GAB4: variants seen among roughly 807,000 people sequenced by gnomAD.
GAB4 encodes GRB2-associated-binding protein 4.
GAB4 carries 26 observed loss-of-function variants against 51.3 expected under a neutral mutation model. That is an observed-to-expected ratio of 0.51 (90% CI 0.37 to 0.70). The LOEUF (loss-of-function observed/expected upper bound fraction) is 0.70, where lower values mean the gene tolerates loss of function less well. GAB4 is among the 30% of genes least tolerant of loss of function. The probability of loss-of-function intolerance (pLI) is 0.00; values close to 1 mark genes in which losing one functional copy is unlikely to be tolerated. For synonymous variants in GAB4, 329 were observed against 291.2 expected (o/e 1.13, Z -1.32); for missense variants, 759 against 734.6 (o/e 1.03, Z -0.38).
chr22:16,983,568 A>C (rs1398037150), intron 3 of GAB4, among the ~76,000 whole-genome samples: 2 of 152,220 alleles, frequency 1.3e-5, no homozygotes, highest in Admixed American at 6.5e-5. Flanking sequence ...ACAAAGCTAT[A>C]ACCAAAACAG....
intron 8 of GAB4, among the ~76,000 whole-genome samples, chr22:16,964,145 G>A (rs1357662747): frequency 1.3e-5 from 2 of 152,076 alleles, no homozygotes; most frequent in East Asian, 1.9e-4. Flanking sequence ...ACCACCTGAG[G>A]CTGCATGGAG....
At chr22:16,993,162 C>T (rs1271602993) in intron 1 of GAB4, among the ~76,000 whole-genome samples, 1 of 152,124 alleles carries the variant, frequency 6.6e-6, no homozygotes, top group African/African-American at 2.4e-5. Flanking sequence ...CTGAGTGATC[C>T]ATGAGCAGAC....
intron 2 of GAB4, among the ~76,000 whole-genome samples, chr22:16,989,369 C>T (rs2123700992): frequency 6.6e-6 from 1 of 152,378 alleles, no homozygotes; most frequent in Admixed American, 6.5e-5. Context: ...TGGCCTATTT[C>T]TGGCTGTGCC....
At chr22:16,964,739 G>C in intron 8 of GAB4, 27 bp downstream of exon 8, 1 of 1,509,662 alleles carries the variant, frequency 6.6e-7, no homozygotes, top group Non-Finnish European at 9.2e-7. Flanking sequence ...TCTGATAGGA[G>C]CCTTACAGTG....
In GAB4 at chr22:16,964,835, T is replaced by A; in HGVS notation, c.1407A>T (p.Gln469His). The A allele has an allele frequency of 6.2e-7, 1 of 1,613,876 alleles. No homozygotes were observed. The highest frequency in any genetic ancestry group is 2.2e-5 in the East Asian group (1 of 44,868). The change falls in exon 8 of 10, where the codon CAA becomes CAT. Residue 469 changes from glutamine (Q) to histidine (H), a missense_variant. Transcript: ENST00000400588. ...TGATGCTCTGCGTGGAGATGGGGTG[T>A]TGGGAGGAGCTGGAGTCAAAGGTGT... ...TSHTFDSSSS[Q>H]HPISTQSITN...
chr22:17,007,814 G>T, intron 1 of GAB4, 127 bp downstream of exon 1: 1 of 832,868 alleles, frequency 1.2e-6, no homozygotes. Flanking sequence ...GCCTTCGCAT[G>T]CAGACGTGGA....
chr22:16,966,247 C>T lies in GAB4; in HGVS notation c.1141G>A (p.Gly381Ser), dbSNP rs375901031. 3.7e-6 allele frequency: 6 copies of T among 1,613,876 alleles called. No individual in the cohort carries two copies. Among genetic ancestry groups the T allele is most frequent in the Admixed American group, 1.7e-5 (1 of 60,002 alleles). Residue 381 changes from glycine (G) to serine (S), a missense_variant, in exon 6 of 10, where the codon GGT becomes AGT. By Grantham distance (56) the Gly-to-Ser change is moderately conservative (BLOSUM62 0). Transcript: ENST00000400588. ...CATGAGCCCACAGGGATGCAGACAC[C>T]CTGGGAATCATCGCCTGCTTGCTTC... ...AVKQAGDDSQ[G>S]VCIPVGSCLV...
intron 3 of GAB4, among the ~76,000 whole-genome samples, chr22:16,974,110 C>T (rs1278914365): frequency 6.6e-6 from 1 of 152,204 alleles, no homozygotes; most frequent in African/African-American, 2.4e-5. Context: ...CAGTGTGCTC[C>T]CCTTGGGCAA....
intron 1 of GAB4, among the ~76,000 whole-genome samples, chr22:16,998,695 G>A (rs1234216835): frequency 6.6e-6 from 1 of 152,196 alleles, no homozygotes; most frequent in Non-Finnish European, 1.5e-5. Context: ...GAATAGGAGT[G>A]GTGAGAGAGG....
rs1017605180 is a variant in GAB4 at position 16,968,153 on chromosome 22, T to C, written c.1023+145A>G. On this transcript the variant is annotated intron_variant, in intron 5 of 9. Coordinates refer to ENST00000400588, the MANE Select transcript of GAB4 (RefSeq NM_001037814.1). The stretch of plus-strand genomic sequence containing the variant: ...ATCTCACTTATCCAAAAACTGAACC[T>C]ATGGTTCTGAACTGAGGCAAGAACC... 3.6e-5 allele frequency: 23 copies of C among 634,426 alleles called. No homozygotes were observed. The African/African-American group carries it at 3.7e-4, about 10-fold the overall frequency. The allele number at this position is 634,426 out of a possible 1,614,324, so 39.3% of individuals were successfully genotyped here.
chr22:17,005,597 A>AGGTCAGGT (rs1385074147), intron 1 of GAB4, among the ~76,000 whole-genome samples: 8 of 152,258 alleles, frequency 5.3e-5, no homozygotes, highest in African/African-American at 1.9e-4. Context: ...CCTGACTTCA[A>AGGTCAGGT]ACTGTACTAC....
chr22:17,000,477 T>C lies in GAB4; in HGVS notation c.174+7464A>G, dbSNP rs147123232. Among the ~76,000 whole-genome samples the C allele has an allele frequency of 7.6e-3, 1,163 of 152,290 alleles. 14 individuals are homozygous for C. The highest frequency in any genetic ancestry group is 0.027 in the African/African-American group (1,128 of 41,556). ...ATTGCAACCCCTGCTTTTTTTTTGT[T>C]TTCTATTTGCTTCGTAGATCTTCCT... On this transcript the variant is annotated intron_variant, in intron 1 of 9. Coordinates refer to ENST00000400588, the MANE Select transcript of GAB4 (RefSeq NM_001037814.1).
rs1328685538 is a variant in GAB4 at position 16,984,899 on chromosome 22, A to G, written c.686+3061T>C. ...TACCTAGAAAGATGGAGTTTCCAGG[A>G]AAGTTTTAACCACTGGCCCCACTGT... On this transcript the variant is annotated intron_variant, in intron 3 of 9. Coordinates refer to ENST00000400588, the MANE Select transcript of GAB4 (RefSeq NM_001037814.1). Among the ~76,000 whole-genome samples, 4 of 152,184 alleles carry G rather than the reference A, an allele frequency of 2.6e-5. No individual in the cohort carries two copies. In the South Asian group the frequency reaches 8.3e-4, roughly 32 times the overall value.
At chr22:16,997,029 T>C (rs929031061) in intron 1 of GAB4, among the ~76,000 whole-genome samples, 5 of 152,166 alleles carry the variant, frequency 3.3e-5, no homozygotes, top group African/African-American at 1.2e-4. Flanking sequence ...CCATGGTGTA[T>C]ATGTGCCACA....
intron 1 of GAB4, among the ~76,000 whole-genome samples, chr22:16,995,718 G>A (rs998438299): frequency 3.9e-5 from 6 of 152,184 alleles, no homozygotes; most frequent in African/African-American, 1.2e-4. Context: ...TGCAGAAGAG[G>A]AGCCTGTCAG....
chr22:16,998,886 T>G (rs991411062), intron 1 of GAB4, among the ~76,000 whole-genome samples: 2 of 152,244 alleles, frequency 1.3e-5, no homozygotes. Flanking sequence ...TTTCTGCATC[T>G]ATTGAGATAA....
chr22:16,966,626 A>G (rs2060678575), intron 5 of GAB4: 1 of 479,312 alleles, frequency 2.1e-6, no homozygotes, highest in Admixed American at 3.5e-5. Flanking sequence ...GTCAACATGT[A>G]AAAGTGGAAG....
chr22:16,987,841 C>T, intron 3 of GAB4, 119 bp downstream of exon 3: 1 of 744,774 alleles, frequency 1.3e-6, no homozygotes, highest in Non-Finnish European at 2.2e-6. Flanking sequence ...TATATGTTTG[C>T]TTACCTGGAA....
chr22:16,994,869 G>C (rs1381396364), intron 1 of GAB4, among the ~76,000 whole-genome samples: 1 of 152,160 alleles, frequency 6.6e-6, no homozygotes, highest in Non-Finnish European at 1.5e-5. Context: ...CATGATCTTA[G>C]GGTAAAACGT....
Sources: allele counts gnomAD v4.1 joint callset (sites outside exome capture counted in the v4.1 genomes callset), GRCh38; gene constraint gnomAD v4.1.1; transcripts MANE v1.5; gene names NCBI Gene and HGNC (gene_info 2026-07-23, HGNC 2026-07-21).